TTC39B: variants seen among roughly 807,000 people sequenced by gnomAD.
The protein encoded by TTC39B is tetratricopeptide repeat domain 39B.
In TTC39B, 92 loss-of-function variants were observed where a neutral mutation model predicts 96.6. That is an observed-to-expected ratio of 0.95 (90% CI 0.80 to 1.13). TTC39B has a LOEUF of 1.13. TTC39B is among the 50% of genes most tolerant of loss of function. The pLI is 0.00. For synonymous variants in TTC39B, 367 were observed against 299.4 expected (o/e 1.23, Z -2.33); for missense variants, 955 against 809.3 (o/e 1.18, Z -2.18).
At chr9:15,220,131 A>G (rs547595623) in intron 3 of TTC39B, among the ~76,000 whole-genome samples, 2 of 152,342 alleles carry the variant, frequency 1.3e-5, no homozygotes, top group Non-Finnish European at 2.9e-5. Flanking sequence ...TTTACTCTTC[A>G]GAGACTTTTA....
chr9:15,259,173 T>C (rs1422294766), intron 2 of TTC39B, among the ~76,000 whole-genome samples: 1 of 152,202 alleles, frequency 6.6e-6, no homozygotes, highest in Non-Finnish European at 1.5e-5. Context: ...ATTTTCATCA[T>C]GGAATATCCC....
rs541990989 is a variant in TTC39B, at chr9:15,277,073, C to A, written c.241-9125G>T. On this transcript the variant is annotated intron_variant, in intron 1 of 19. Transcript: ENST00000512701. ...AATGTTAACTCCCTTTGCCCTCTAGCCTTTACCCTCTAGCCTTTCACTCCC... is the reference window on the plus strand; with the variant it reads ...AATGTTAACTCCCTTTGCCCTCTAGACTTTACCCTCTAGCCTTTCACTCCC... Among the ~76,000 whole-genome samples the A allele has an allele frequency of 2.6e-5, 4 of 152,300 alleles. No homozygotes were observed. The South Asian group carries it at 8.3e-4, about 32-fold the overall frequency.
intron 2 of TTC39B, among the ~76,000 whole-genome samples, chr9:15,257,408 A>G (rs572231340): frequency 6.6e-5 from 10 of 152,172 alleles, no homozygotes; most frequent in Non-Finnish European, 1.2e-4. Context: ...GGTTTGGTTT[A>G]CTATCCTCTT....
chr9:15,240,874 C>T (rs1822007230), intron 2 of TTC39B, among the ~76,000 whole-genome samples: 1 of 152,152 alleles, frequency 6.6e-6, no homozygotes, highest in African/African-American at 2.4e-5. Context: ...GCATTGATAA[C>T]ATGCTTCAAT....
intron 8 of TTC39B, among the ~76,000 whole-genome samples, chr9:15,197,229 C>T (rs1428644173): frequency 1.3e-5 from 2 of 152,162 alleles, no homozygotes; most frequent in Non-Finnish European, 2.9e-5. Flanking sequence ...ACCTGTATGT[C>T]TTTGCCTCTA....
At chr9:15,290,896 C>G (rs945420441) in intron 1 of TTC39B, among the ~76,000 whole-genome samples, 8 of 152,208 alleles carry the variant, frequency 5.3e-5, no homozygotes. Flanking sequence ...TATCCTCTAT[C>G]TTGGCAAAAT....
chr9:15,250,923 C>T lies in TTC39B; in HGVS notation c.275+16991G>A, dbSNP rs144042746. On this transcript the variant is annotated intron_variant, in intron 2 of 19. Transcript: ENST00000512701. ...TTATAAAAGTAATACCAGGGCTAGG[C>T]GCAGTGGCTCATGCCTGTAATCCCA... Among the ~76,000 whole-genome samples, 156 of 152,264 alleles carry T rather than the reference C, an allele frequency of 1.0e-3. 1 individual carries two copies. Among genetic ancestry groups the T allele is most frequent in the Middle Eastern group, 0.01 (3 of 294 alleles).
chr9:15,229,526 G>A (rs923188520), intron 2 of TTC39B, among the ~76,000 whole-genome samples: 18 of 152,202 alleles, frequency 1.2e-4, no homozygotes, highest in Admixed American at 1.3e-4. Context: ...GTTAACCAGT[G>A]TTGTGCATAA....
Position 15,190,672 on chromosome 9 carries a change from T to A in TTC39B, c.997-10A>T. 1.2e-6 allele frequency: 2 copies of A among 1,604,464 alleles called. No individual in the cohort carries two copies. Among genetic ancestry groups the A allele is most frequent in the South Asian group, 2.2e-5 (2 of 90,762 alleles). On this transcript the variant is annotated splice_polypyrimidine_tract_variant and intron_variant, in intron 10 of 19. Transcript: ENST00000512701. Reference sequence around the variant, plus strand: ...GCAGGAGGCCCAACTCCTATGGGAATTAAATGCATTTTTAGAAAGAGAACA... The same window carrying A: ...GCAGGAGGCCCAACTCCTATGGGAAATAAATGCATTTTTAGAAAGAGAACA...
intron 2 of TTC39B, among the ~76,000 whole-genome samples, chr9:15,239,946 A>G (rs1433198840): frequency 2.6e-5 from 4 of 152,234 alleles, no homozygotes; most frequent in Non-Finnish European, 4.4e-5. Context: ...GAATTATGAA[A>G]TGCAGGACTC....
At chr9:15,250,589 C>T (rs1351233927) in intron 2 of TTC39B, among the ~76,000 whole-genome samples, 1 of 152,084 alleles carries the variant, frequency 6.6e-6, no homozygotes, top group African/African-American at 2.4e-5. Context: ...GGGAATTAAA[C>T]ACATATATGA....
At chr9:15,216,179 C>T (rs1010107836) in intron 3 of TTC39B, among the ~76,000 whole-genome samples, 1 of 152,202 alleles carries the variant, frequency 6.6e-6, no homozygotes, top group Non-Finnish European at 1.5e-5. Context: ...GTATCTTGTG[C>T]ATGTAGCATT....
chr9:15,258,985 G>C (rs1235259454), intron 2 of TTC39B, among the ~76,000 whole-genome samples: 1 of 152,054 alleles, frequency 6.6e-6, no homozygotes, highest in Admixed American at 6.6e-5. Context: ...ACAGTGGCAG[G>C]TCTAAACACA....
At chr9:15,203,944 G>T (rs781254597) in intron 6 of TTC39B, 54 bp from the exon 7 acceptor site, 3 of 1,484,004 alleles carry the variant, frequency 2.0e-6, no homozygotes, top group East Asian at 4.8e-5. Flanking sequence ...CAAAGTGATT[G>T]CTCTGTGATG....
intron 7 of TTC39B, among the ~76,000 whole-genome samples, chr9:15,200,692 A>C (rs118029564): frequency 3.3e-5 from 5 of 152,232 alleles, no homozygotes; most frequent in African/African-American, 7.2e-5. Flanking sequence ...AAGTTTTTCT[A>C]GTCTATTGAT....
At chr9:15,197,518 T>C (rs1819240322) in intron 8 of TTC39B, among the ~76,000 whole-genome samples, 1 of 152,044 alleles carries the variant, frequency 6.6e-6, no homozygotes, top group South Asian at 2.1e-4. Context: ...TTCCCACAAG[T>C]AACTATTACA....
chr9:15,276,109 G>T (rs1295484819), intron 1 of TTC39B, among the ~76,000 whole-genome samples: 2 of 152,154 alleles, frequency 1.3e-5, no homozygotes, highest in African/African-American at 4.8e-5. Flanking sequence ...AAAAATTTAA[G>T]AAATTTAAGA....
intron 1 of TTC39B, among the ~76,000 whole-genome samples, chr9:15,292,339 G>A (rs1824217659): frequency 6.6e-6 from 1 of 152,254 alleles, no homozygotes; most frequent in African/African-American, 2.4e-5. Context: ...AACACACAGT[G>A]CAATGAGTTA....
At chr9:15,233,747 G>A (rs2131439000) in intron 2 of TTC39B, among the ~76,000 whole-genome samples, 1 of 152,322 alleles carries the variant, frequency 6.6e-6, no homozygotes, top group Non-Finnish European at 1.5e-5. Context: ...CTCCCAAAGA[G>A]CCGAGATTGC....
Sources: gnomAD v4.1 joint callset for allele counts (sites outside exome capture counted in the v4.1 genomes callset) on GRCh38, gnomAD v4.1.1 for gene constraint, MANE v1.5 for transcripts, NCBI Gene and HGNC (gene_info 2026-07-23, HGNC 2026-07-21) for gene names.